The following GRHL2 variants were observed in gnomAD, a reference collection of about 807,000 sequenced individuals.
GRHL2 encodes the protein grainyhead-like protein 2 homolog.
Under a neutral mutation model 83.8 loss-of-function variants are expected in GRHL2, and 21 were observed. The ratio of observed to expected loss-of-function variants is 0.25; its 90% CI spans 0.18 to 0.36. GRHL2 has a LOEUF of 0.36. GRHL2 is among the 10% of genes least tolerant of loss of function. GRHL2 has a pLI of 1.00. For synonymous variants in GRHL2, 280 were observed against 278.9 expected (o/e 1.00, Z -0.04); for missense variants, 623 against 781.8 (o/e 0.80, Z 2.42).
At chr8:101,605,376 A>G (rs911952805) in intron 8 of GRHL2, among the ~76,000 whole-genome samples, 21 of 152,356 alleles carry the variant, frequency 1.4e-4, no homozygotes, top group African/African-American at 5.0e-4. Context: ...TCCAGAGCCC[A>G]TGCTGTTGAC....
At chr8:101,624,452 A>C (rs1813036704) in intron 9 of GRHL2, among the ~76,000 whole-genome samples, 1 of 151,956 alleles carries the variant, frequency 6.6e-6, no homozygotes, top group African/African-American at 2.4e-5. Flanking sequence ...GACAGTTTAC[A>C]GTACACAGTA....
Position 101,632,267 on chromosome 8 carries a change from A to T in GRHL2, c.1387A>T (p.Ser463Cys). ...KLAAIPLQKK[S>C]DITYFKTMPD... ...GGCTGCCATACCTTTACAGAAGAAGAGTGACATCACCTACTTCAAAACCAT... is the reference window on the plus strand; with the variant it reads ...GGCTGCCATACCTTTACAGAAGAAGTGTGACATCACCTACTTCAAAACCAT... The change falls in exon 11 of 16, where the codon AGT (serine) becomes TGT (cysteine). Residue 463 changes from serine (S) to cysteine (C), a missense_variant. This residue lies in a region of GRHL2 where 210 missense variants were observed against 254.8 expected (regional missense o/e 0.82). Transcript: ENST00000646743. 6.2e-7 allele frequency: 1 copy of T among 1,614,012 alleles called. No homozygotes were observed.
At chr8:101,638,147 G>T (rs1231382354) in intron 12 of GRHL2, among the ~76,000 whole-genome samples, 1 of 152,110 alleles carries the variant, frequency 6.6e-6, no homozygotes. Flanking sequence ...AAAATCTTTA[G>T]ATGTTTTTTC....
At chr8:101,650,466 A>G (rs1813599354) in intron 14 of GRHL2, among the ~76,000 whole-genome samples, 1 of 152,246 alleles carries the variant, frequency 6.6e-6, no homozygotes, top group African/African-American at 2.4e-5. Context: ...GAATACTGCT[A>G]CTATGAACAT....
chr8:101,666,127 T>TA (rs1814050247), intron 15 of GRHL2, among the ~76,000 whole-genome samples: 1 of 152,232 alleles, frequency 6.6e-6, no homozygotes, highest in African/African-American at 2.4e-5. Context: ...CACAAGGTCA[T>TA]ATTACATGCT....
chr8:101,530,328 C>T (rs986291644), intron 1 of GRHL2, among the ~76,000 whole-genome samples: 3 of 152,166 alleles, frequency 2.0e-5, no homozygotes, highest in Non-Finnish European at 4.4e-5. Flanking sequence ...AAATGGAAAT[C>T]GGTCCTGCAG....
intron 1 of GRHL2, among the ~76,000 whole-genome samples, chr8:101,495,781 G>A (rs1810088840): frequency 6.6e-6 from 1 of 152,104 alleles, no homozygotes. Context: ...GCAACTCATG[G>A]ACAGACATAC....
chr8:101,672,460 GA>G (rs1814226431), downstream of GRHL2, among the ~76,000 whole-genome samples: 1 of 151,710 alleles, frequency 6.6e-6, no homozygotes, highest in African/African-American at 2.4e-5. Context: ...ATCAGCAATG[GA>G]AGATGAAATG....
Position 101,664,443 on chromosome 8 carries a change from T to C in GRHL2, c.1699-11T>C, listed in dbSNP as rs772572884. The C allele has an allele frequency of 3.1e-6, 5 of 1,609,280 alleles. No individual in the cohort carries two copies. The Admixed American group carries it at 8.3e-5, about 27-fold the overall frequency. ...CTGTGCTCATCTGCCTTCTTGTTAT[T>C]GGTATTACAGATATCTGAGAAATAT... On this transcript the variant is annotated splice_polypyrimidine_tract_variant and intron_variant, in intron 14 of 15. Transcript: ENST00000646743.
intron 4 of GRHL2, among the ~76,000 whole-genome samples, chr8:101,563,727 T>C (rs1258271778): frequency 6.6e-6 from 1 of 152,130 alleles, no homozygotes; most frequent in African/African-American, 2.4e-5. Flanking sequence ...TTTGTTTTTT[T>C]TTGTTTTTTT....
intron 7 of GRHL2, among the ~76,000 whole-genome samples, chr8:101,588,180 A>G (rs1787383214): frequency 6.6e-6 from 1 of 152,142 alleles, no homozygotes; most frequent in Non-Finnish European, 1.5e-5. Flanking sequence ...TAGTGTCTCC[A>G]TTTCGCAGAT....
chr8:101,553,872 C>T (rs937613049), intron 3 of GRHL2, among the ~76,000 whole-genome samples: 4 of 151,972 alleles, frequency 2.6e-5, no homozygotes, highest in Admixed American at 6.6e-5. Flanking sequence ...GTGATCTGCC[C>T]GCCTCAGCCT....
intron 1 of GRHL2, among the ~76,000 whole-genome samples, chr8:101,494,424 C>G (rs183908339): frequency 2.1e-3 from 314 of 152,254 alleles, no homozygotes; most frequent in African/African-American, 6.9e-3. Flanking sequence ...GAAGAACTAG[C>G]GTTACCAACA....
chr8:101,657,506 C>T (rs569217481), intron 14 of GRHL2, among the ~76,000 whole-genome samples: 87 of 152,248 alleles, frequency 5.7e-4, no homozygotes, highest in Middle Eastern at 6.8e-3. Flanking sequence ...ATAAAATGCA[C>T]TTTTTATAAA....
chr8:101,619,240 G>A (rs1238889912), intron 8 of GRHL2, among the ~76,000 whole-genome samples: 1 of 152,068 alleles, frequency 6.6e-6, no homozygotes, highest in Admixed American at 6.6e-5. Context: ...GCGACAGAGT[G>A]AGGCTCTGTC....
intron 1 of GRHL2, among the ~76,000 whole-genome samples, chr8:101,512,817 C>T (rs1031208859): frequency 2.0e-5 from 3 of 152,186 alleles, no homozygotes; most frequent in African/African-American, 7.2e-5. Context: ...TGCAATCAGA[C>T]TGCTATAGCA....
chr8:101,534,606 T>G (rs773983190), intron 1 of GRHL2, among the ~76,000 whole-genome samples: 7 of 151,822 alleles, frequency 4.6e-5, no homozygotes, highest in Non-Finnish European at 1.0e-4. Flanking sequence ...ATGAGGGCCA[T>G]ATGGGAGGCT....
At chr8:101,615,110 C>T (rs549303465) in intron 8 of GRHL2, among the ~76,000 whole-genome samples, 31 of 152,268 alleles carry the variant, frequency 2.0e-4, no homozygotes, top group Admixed American at 4.6e-4. Context: ...AAGTGTCTCC[C>T]GGTGAAGTCT....
Position 101,631,854 on chromosome 8 carries a change from G to A in GRHL2, c.1345+130G>A, listed in dbSNP as rs546632723. 1.2e-3 allele frequency: 916 copies of A among 774,412 alleles called. 5 individuals are homozygous for A. Among genetic ancestry groups the A allele is most frequent in the Admixed American group, 2.1e-3 (105 of 50,302 alleles). 48.0% of individuals were successfully genotyped at this position (774,412 alleles called of 1,614,324 possible). ...GCAAGGCATGGTTTGCTTTCCCCTGGCAGTGGAGACAGGGTGATTGATTAT... is the reference window on the plus strand; with the variant it reads ...GCAAGGCATGGTTTGCTTTCCCCTGACAGTGGAGACAGGGTGATTGATTAT... On this transcript the variant is annotated intron_variant, in intron 10 of 15. Transcript: ENST00000646743.
Sources: gnomAD v4.1 joint callset for allele counts (sites outside exome capture counted in the v4.1 genomes callset) on GRCh38, gnomAD v4.1.1 for gene constraint, gnomAD v4.1.1 regional missense constraint, MANE v1.5 for transcripts, NCBI Gene and HGNC (gene_info 2026-07-23, HGNC 2026-07-21) for gene names.